Variants in KAZN observed in about 807,000 individuals in gnomAD.
KAZN encodes the protein kazrin, periplakin interacting protein.
In KAZN, 40 loss-of-function variants were observed where a neutral mutation model predicts 87.4. The ratio of observed to expected loss-of-function variants is 0.46; its 90% CI spans 0.36 to 0.60. KAZN has a LOEUF of 0.60. KAZN is among the 20% of genes least tolerant of loss of function. The pLI is 0.00. For missense variants in KAZN, 898 were observed against 1,073.9 expected, an observed-to-expected ratio of 0.84 and a Z score of 2.29; for synonymous variants, 466 against 458.3, an observed-to-expected ratio of 1.02 and a Z score of -0.22.
intron 1 of KAZN, among the ~76,000 whole-genome samples, chr1:13,976,897 A>G (rs1476106012): frequency 6.6e-6 from 1 of 152,156 alleles, no homozygotes; most frequent in Non-Finnish European, 1.5e-5. Flanking sequence ...AGAAAAATGT[A>G]TATGTTTAAA....
intron 1 of KAZN, among the ~76,000 whole-genome samples, chr1:14,080,057 C>T (rs987789197): frequency 7.6e-6 from 1 of 130,824 alleles, no homozygotes; most frequent in South Asian, 2.7e-4. Flanking sequence ...TAGGTCTCAA[C>T]AGATGAATTT....
At chr1:14,276,010 A>T (rs1027196367) in intron 2 of KAZN, among the ~76,000 whole-genome samples, 1 of 152,132 alleles carries the variant, frequency 6.6e-6, no homozygotes, top group African/African-American at 2.4e-5. Flanking sequence ...CTCAAGGCAA[A>T]TGAGATTTTG....
chr1:14,740,192 A>G (rs888545699), intron 1 of KAZN, among the ~76,000 whole-genome samples: 2 of 152,186 alleles, frequency 1.3e-5, no homozygotes, highest in Non-Finnish European at 2.9e-5. Context: ...TGGCTTAGAC[A>G]TCCCTGGAGC....
chr1:14,257,635 A>G lies in KAZN; in HGVS notation c.249+77043A>G, dbSNP rs1193067020. ...CGTTTAAATCTTTAATCCATCTTGA[A>G]TTGATTTTTGTATAAGATGTAAGGA... On this transcript the variant is annotated intron_variant, in intron 2 of 16. Coordinates refer to the KAZN transcript ENST00000636203. Among the ~76,000 whole-genome samples, 4 of 149,608 alleles carry G rather than the reference A, an allele frequency of 2.7e-5. No individual in the cohort carries two copies. In the South Asian group the frequency reaches 6.4e-4, roughly 24 times the overall value.
At chr1:14,652,497 A>G (rs1638465309) in intron 1 of KAZN, among the ~76,000 whole-genome samples, 1 of 56,094 alleles carries the variant, frequency 1.8e-5, no homozygotes, top group African/African-American at 7.9e-5. Flanking sequence ...CCACCTATCC[A>G]CCTATCTACC....
At chr1:14,092,069 G>A (rs541275657) in intron 1 of KAZN, among the ~76,000 whole-genome samples, 1 of 147,880 alleles carries the variant, frequency 6.8e-6, no homozygotes, top group African/African-American at 2.5e-5. Flanking sequence ...TTGAATTCTT[G>A]TAATACTTTA....
intron 1 of KAZN, among the ~76,000 whole-genome samples, chr1:14,020,708 CTAAT>C (rs1169910283): frequency 6.6e-6 from 1 of 152,176 alleles, no homozygotes; most frequent in Non-Finnish European, 1.5e-5. Flanking sequence ...TTAGTTTTAA[CTAAT>C]TGAGTCAGCA....
At chr1:13,904,075 G>T (rs530299713) in intron 1 of KAZN, among the ~76,000 whole-genome samples, 1 of 152,172 alleles carries the variant, frequency 6.6e-6, no homozygotes, top group African/African-American at 2.4e-5. Context: ...CTGAGGCAGG[G>T]TCTACAATGT....
At chr1:14,915,845 T>G (rs1257095840) in intron 1 of KAZN, among the ~76,000 whole-genome samples, 1 of 152,222 alleles carries the variant, frequency 6.6e-6, no homozygotes, top group African/African-American at 2.4e-5. Context: ...GCACAGTCCC[T>G]GGACTGATGT....
At chr1:14,483,724 C>T (rs117773625) in intron 2 of KAZN, among the ~76,000 whole-genome samples, 4,528 of 152,292 alleles carry the variant, frequency 0.03, 172 homozygotes, top group East Asian at 0.14. Flanking sequence ...GTTGTCTCTT[C>T]GTTCTGTTGA....
chr1:14,039,621 T>G (rs1017852098), intron 1 of KAZN, among the ~76,000 whole-genome samples: 1 of 152,252 alleles, frequency 6.6e-6, no homozygotes, highest in Non-Finnish European at 1.5e-5. Flanking sequence ...AAACTTTTAT[T>G]TACACAGTAT....
intron 1 of KAZN, among the ~76,000 whole-genome samples, chr1:14,899,978 C>T (rs569916661): frequency 1.3e-5 from 2 of 152,222 alleles, no homozygotes; most frequent in African/African-American, 2.4e-5. Context: ...TCTGTCGTCC[C>T]GCATTCTTCT....
intron 2 of KAZN, among the ~76,000 whole-genome samples, chr1:14,398,982 C>T (rs1327605335): frequency 6.6e-6 from 1 of 152,142 alleles, no homozygotes; most frequent in Non-Finnish European, 1.5e-5. Context: ...TTCCCCCCTC[C>T]ACTCATGGCA....
intron 2 of KAZN, among the ~76,000 whole-genome samples, chr1:14,979,174 G>A (rs1180650498): frequency 6.6e-6 from 1 of 152,006 alleles, no homozygotes; most frequent in Non-Finnish European, 1.5e-5. Flanking sequence ...CACTTTGGGA[G>A]GCCAAGGCGA....
At chr1:14,447,371 T>C (rs1019232112) in intron 2 of KAZN, among the ~76,000 whole-genome samples, 3 of 151,716 alleles carry the variant, frequency 2.0e-5, no homozygotes, top group African/African-American at 7.3e-5. Context: ...CCCGAGTAGC[T>C]GGGACTACAG....
chr1:14,573,589 G>A (rs887679777), intron 2 of KAZN, among the ~76,000 whole-genome samples: 3 of 152,182 alleles, frequency 2.0e-5, no homozygotes, highest in Non-Finnish European at 4.4e-5. Context: ...AGAGGTTGCA[G>A]TGAGCTGAGA....
At chr1:14,283,187 C>T (rs1652983549) in intron 2 of KAZN, among the ~76,000 whole-genome samples, 1 of 152,176 alleles carries the variant, frequency 6.6e-6, no homozygotes, top group African/African-American at 2.4e-5. Context: ...TCAGACAAAA[C>T]AGTTCCCTAA....
chr1:14,502,366 C>A (rs1670303634), intron 2 of KAZN, among the ~76,000 whole-genome samples: 1 of 152,118 alleles, frequency 6.6e-6, no homozygotes, highest in South Asian at 2.1e-4. Context: ...GACCTGAAGG[C>A]AATAGTTTTG....
At chr1:15,055,748 T>C (rs1674882158) in intron 4 of KAZN, among the ~76,000 whole-genome samples, 1 of 152,008 alleles carries the variant, frequency 6.6e-6, no homozygotes, top group Non-Finnish European at 1.5e-5. Flanking sequence ...CCCCCTAGAG[T>C]TGTGTGACCA....
Sources: allele counts gnomAD v4.1 joint callset (sites outside exome capture counted in the v4.1 genomes callset), GRCh38; gene constraint gnomAD v4.1.1; transcripts MANE v1.5; gene names NCBI Gene and HGNC (gene_info 2026-07-23, HGNC 2026-07-21).